BORCS5: variants seen among roughly 807,000 people sequenced by gnomAD.
BORCS5 encodes the protein BLOC-1 related complex subunit 5.
In BORCS5, 17 loss-of-function variants were observed where a neutral mutation model predicts 22.1. The observed-to-expected ratio is 0.77, with a 90% CI of 0.53 to 1.15. BORCS5 has a LOEUF of 1.15. Ranked by LOEUF, BORCS5 falls within the 50% of genes most tolerant of loss-of-function variation. The probability of loss-of-function intolerance (pLI) is 0.00; values close to 1 mark genes in which losing one functional copy is unlikely to be tolerated. For missense variants in BORCS5, 247 were observed against 253.2 expected (o/e 0.98, Z 0.17); for synonymous variants, 117 against 99.8 (o/e 1.17, Z -1.03).
chr12:12,443,288 G>A (rs144043564), intron 3 of BORCS5, among the ~76,000 whole-genome samples: 4 of 152,244 alleles, frequency 2.6e-5, no homozygotes, highest in African/African-American at 7.2e-5. Flanking sequence ...TTGAGATGTC[G>A]GCTTCTTTTT....
At chr12:12,405,889 A>G (rs1245953133) in intron 2 of BORCS5, among the ~76,000 whole-genome samples, 2 of 152,248 alleles carry the variant, frequency 1.3e-5, no homozygotes, top group Non-Finnish European at 2.9e-5. Flanking sequence ...AGGAATGTGG[A>G]TAGCTCACAG....
intron 2 of BORCS5, among the ~76,000 whole-genome samples, chr12:12,397,062 C>T (rs1941365509): frequency 6.6e-6 from 1 of 152,178 alleles, no homozygotes; most frequent in African/African-American, 2.4e-5. Context: ...TTCTTTCTCT[C>T]TATGGACTTT....
intron 2 of BORCS5, among the ~76,000 whole-genome samples, chr12:12,397,428 G>A (rs1258092802): frequency 6.6e-6 from 1 of 152,228 alleles, no homozygotes; most frequent in Non-Finnish European, 1.5e-5. Flanking sequence ...TTGTGCCCAG[G>A]AACAGCCTAC....
chr12:12,446,497 G>A (rs565229878), intron 3 of BORCS5, among the ~76,000 whole-genome samples: 1 of 152,308 alleles, frequency 6.6e-6, no homozygotes, highest in East Asian at 1.9e-4. Flanking sequence ...TCACTGTCGT[G>A]TTTATCTGAA....
chr12:12,360,058 T>G (rs1863244205), intron 1 of BORCS5, among the ~76,000 whole-genome samples: 1 of 152,140 alleles, frequency 6.6e-6, no homozygotes, highest in Non-Finnish European at 1.5e-5. Flanking sequence ...AAGAAGTTCA[T>G]TCATGTTATA....
intron 2 of BORCS5, among the ~76,000 whole-genome samples, chr12:12,434,795 A>G (rs1942518988): frequency 6.6e-6 from 1 of 152,246 alleles, no homozygotes; most frequent in African/African-American, 2.4e-5. Context: ...ATCAAAAGAT[A>G]AAACTCACAT....
intron 2 of BORCS5, 49 bp downstream of exon 2, chr12:12,361,398 T>G (rs1014533484): frequency 6.3e-7 from 1 of 1,596,192 alleles, no homozygotes; most frequent in Non-Finnish European, 8.6e-7. Flanking sequence ...GACGTTTGTG[T>G]AGCCCTACTA....
At chr12:12,374,923 C>G (rs556232713) in intron 2 of BORCS5, among the ~76,000 whole-genome samples, 1 of 150,224 alleles carries the variant, frequency 6.7e-6, no homozygotes, top group African/African-American at 2.5e-5. Flanking sequence ...GTCACTGCAT[C>G]CAGCCTGGGT....
At chr12:12,436,687 A>G (rs1942563087) in intron 3 of BORCS5, among the ~76,000 whole-genome samples, 1 of 152,236 alleles carries the variant, frequency 6.6e-6, no homozygotes, top group African/African-American at 2.4e-5. Context: ...ATCACTGCAG[A>G]TTAACAATTT....
rs554567005 is a variant in BORCS5, at chr12:12,357,275, C to T, written c.-177C>T. The T allele has an allele frequency of 1.4e-6, 2 of 1,458,034 alleles. No homozygotes were observed. Among genetic ancestry groups the T allele is most frequent in the East Asian group, 5.0e-5 (2 of 40,024 alleles). 90.3% of individuals were successfully genotyped at this position (1,458,034 alleles called of 1,614,324 possible). On this transcript the variant is annotated 5_prime_UTR_variant, in exon 1 of 4. Transcript: ENST00000314565. The stretch of plus-strand genomic sequence containing the variant: ...TTCCCCAAATAGGGCCTCTCCTTCT[C>T]CCGCCGCCCAGGCCCCTGCGTGGGC...
chr12:12,427,976 A>C (rs1942331361), intron 2 of BORCS5, among the ~76,000 whole-genome samples: 1 of 152,160 alleles, frequency 6.6e-6, no homozygotes, highest in African/African-American at 2.4e-5. Context: ...GGAAACACAA[A>C]CATTCAGTCC....
At chr12:12,374,305 T>G (rs1021695824) in intron 2 of BORCS5, among the ~76,000 whole-genome samples, 1 of 151,742 alleles carries the variant, frequency 6.6e-6, no homozygotes. Context: ...GTATTCTTAG[T>G]TTAAAAGTCT....
chr12:12,395,033 C>A (rs1941299250), intron 2 of BORCS5, among the ~76,000 whole-genome samples: 1 of 151,922 alleles, frequency 6.6e-6, no homozygotes, highest in African/African-American at 2.4e-5. Flanking sequence ...TAGGAAACAA[C>A]TGTATATAGA....
intron 2 of BORCS5, among the ~76,000 whole-genome samples, chr12:12,375,810 T>TTTGTTG (rs59033819): frequency 0.022 from 3,300 of 152,146 alleles, 128 homozygotes; most frequent in African/African-American, 0.074. Context: ...GTTTTTTTTG[T>TTTGTTG]TTGTTGTTGT....
At chr12:12,402,198 A>G (rs985972406) in intron 2 of BORCS5, among the ~76,000 whole-genome samples, 1 of 152,216 alleles carries the variant, frequency 6.6e-6, no homozygotes, top group Non-Finnish European at 1.5e-5. Context: ...ATCTTGGTGC[A>G]TAAATTTCAT....
At chr12:12,410,295 C>T (rs1300580972) in intron 2 of BORCS5, among the ~76,000 whole-genome samples, 2 of 152,176 alleles carry the variant, frequency 1.3e-5, no homozygotes, top group African/African-American at 4.8e-5. Flanking sequence ...ACATGAAGTC[C>T]TTGCCCATGC....
intron 2 of BORCS5, among the ~76,000 whole-genome samples, chr12:12,374,104 T>C (rs995573292): frequency 1.0e-4 from 15 of 150,598 alleles, no homozygotes; most frequent in Admixed American, 2.0e-4. Context: ...TCTCCTGCCT[T>C]AGCCTCCCGA....
Position 12,465,974 on chromosome 12 carries a change from A to C in BORCS5, c.*198A>C. 1 of 562,492 alleles carries C rather than the reference A, an allele frequency of 1.8e-6. No homozygotes were observed. The highest frequency in any genetic ancestry group is 1.9e-5 in the African/African-American group (1 of 53,216). The allele number at this position is 562,492 out of a possible 1,614,324, so 34.8% of individuals were successfully genotyped here. On this transcript the variant is annotated 3_prime_UTR_variant, in exon 4 of 4. Transcript: ENST00000314565. ...TGATGCAGTTTCCCGGTGTGGAAGG[A>C]ACCTAACCAGTTCTCGGTGATAACT...
chr12:12,388,457 A>G (rs184693532), intron 2 of BORCS5, among the ~76,000 whole-genome samples: 3 of 151,590 alleles, frequency 2.0e-5, no homozygotes, highest in East Asian at 3.9e-4. Context: ...TTAATATTCA[A>G]AAGCAAAAGA....
Sources: allele counts gnomAD v4.1 joint callset (sites outside exome capture counted in the v4.1 genomes callset), GRCh38; gene constraint gnomAD v4.1.1; transcripts MANE v1.5; gene names NCBI Gene and HGNC (gene_info 2026-07-23, HGNC 2026-07-21).